The following MTRF1 variants were observed in gnomAD, a reference collection of about 807,000 sequenced individuals.
The protein encoded by MTRF1 is peptide chain release factor 1, mitochondrial.
Under a neutral mutation model 62.9 loss-of-function variants are expected in MTRF1, and 51 were observed. The ratio of observed to expected loss-of-function variants is 0.81; its 90% confidence interval spans 0.65 to 1.02. The LOEUF (loss-of-function observed/expected upper bound fraction) is 1.02, where lower values mean the gene tolerates loss of function less well. Among genes scored for constraint, MTRF1 ranks in the 50% least tolerant of loss-of-function variants. MTRF1 has a pLI of 0.00. For synonymous variants in MTRF1, 158 were observed against 181.9 expected, an observed-to-expected ratio of 0.87 and a Z score of 1.06; for missense variants, 446 against 530.0, an observed-to-expected ratio of 0.84 and a Z score of 1.56.
At chr13:41,306,671 T>C in the MTRF1 span, among the ~76,000 whole-genome samples, 50 of 152,352 alleles carry the variant, frequency 3.3e-4, 1 homozygote, top group African/African-American at 9.9e-4. Flanking sequence ...ATATTACATA[T>C]GTAAAAAGGG....
chr13:41,219,084 A>G (rs893766015), intron 9 of MTRF1, among the ~76,000 whole-genome samples: 2 of 152,166 alleles, frequency 1.3e-5, no homozygotes, highest in Non-Finnish European at 2.9e-5. Flanking sequence ...TGAGGTCAGG[A>G]GATTGAGACC....
At chr13:41,227,259 G>A (rs1319368430) in intron 7 of MTRF1, among the ~76,000 whole-genome samples, 2 of 150,676 alleles carry the variant, frequency 1.3e-5, no homozygotes, top group East Asian at 1.9e-4. Context: ...GTGACAGAGC[G>A]AGACTCCGTT....
intron 6 of MTRF1, chr13:41,236,699 C>T (rs1465538416): frequency 6.6e-6 from 1 of 152,090 alleles, no homozygotes; most frequent in East Asian, 1.9e-4. Context: ...GAGTGACTTA[C>T]CATTTCATGT....
chr13:41,277,244 A>G, the MTRF1 span, among the ~76,000 whole-genome samples: 2 of 150,512 alleles, frequency 1.3e-5, no homozygotes, highest in African/African-American at 4.9e-5. Flanking sequence ...CGATCCTCCC[A>G]CCTCAGCCTC....
Position 41,216,507 on chromosome 13 carries a change from TAA to T in MTRF1, c.*606_*607del, listed in dbSNP as rs2031961443. 1.3e-5 allele frequency: 2 copies of T among 152,130 alleles called. No homozygotes were observed. The highest frequency in any genetic ancestry group is 4.8e-5 in the African/African-American group (2 of 41,424). The allele number at this position is 152,130 out of a possible 1,614,324, so 9.4% of individuals were successfully genotyped here. On this transcript the variant is annotated 3_prime_UTR_variant, in exon 10 of 10. Coordinates refer to ENST00000379480, the MANE Select transcript of MTRF1 (RefSeq NM_004294.4). ...TAATTTTTATTTAAAAGTTGCAGTC[TAA>T]GTCTTAACTTTAACATGATTAACAG...
chr13:41,259,605 G>A (rs939129543), intron 2 of MTRF1, among the ~76,000 whole-genome samples: 1 of 151,510 alleles, frequency 6.6e-6, no homozygotes, highest in African/African-American at 2.4e-5. Context: ...GGGAGGCTGA[G>A]GCAGGAGAAT....
chr13:41,274,975 T>C, the MTRF1 span, among the ~76,000 whole-genome samples: 1 of 152,192 alleles, frequency 6.6e-6, no homozygotes, highest in South Asian at 2.1e-4. Context: ...CATTTTATTA[T>C]AGCATTCTGT....
chr13:41,239,100 A>G (rs1186265844), intron 6 of MTRF1, among the ~76,000 whole-genome samples: 1 of 151,742 alleles, frequency 6.6e-6, no homozygotes, highest in Admixed American at 6.6e-5. Context: ...AGGATCCTGG[A>G]TAAAAAAAAA....
At chr13:41,286,756 C>A in the MTRF1 span, among the ~76,000 whole-genome samples, 133,277 of 152,206 alleles carry the variant, frequency 0.88, 58,475 homozygotes, top group South Asian at 0.91. Flanking sequence ...AAATCTTAGC[C>A]AAAGCTGGTC....
chr13:41,251,406 T>A (rs1342827371), intron 5 of MTRF1, among the ~76,000 whole-genome samples: 1 of 152,198 alleles, frequency 6.6e-6, no homozygotes. Flanking sequence ...AGCTTCCTAT[T>A]GCCCATCAAT....
chr13:41,259,712 A>AAAAAAAAAACAAAAACAAAAAAAAAC (rs2040203824), intron 2 of MTRF1, among the ~76,000 whole-genome samples: 17 of 136,756 alleles, frequency 1.2e-4, no homozygotes, highest in Middle Eastern at 3.6e-3. Context: ...AAAAAAAAAA[A>AAAAAAAAAACAAAAACAAAAAAAAAC]AAAAAAAAAC....
At chr13:41,249,619 CTTTTTTT>C (rs1166204914) in intron 5 of MTRF1, among the ~76,000 whole-genome samples, 56 of 61,540 alleles carry the variant, frequency 9.1e-4, no homozygotes, top group African/African-American at 3.8e-3. Flanking sequence ...ATTTTTTTTT[CTTTTTTT>C]TTTTTTTTTT....
chr13:41,245,274 C>T (rs1472853629), intron 5 of MTRF1, among the ~76,000 whole-genome samples: 1 of 149,724 alleles, frequency 6.7e-6, no homozygotes, highest in Admixed American at 6.7e-5. Context: ...GACATGGTCT[C>T]ACTCTGTCCT....
upstream of MTRF1, among the ~76,000 whole-genome samples, chr13:41,266,225 T>C (rs1271854064): frequency 1.3e-5 from 2 of 151,668 alleles, no homozygotes; most frequent in African/African-American, 2.4e-5. Flanking sequence ...CCTAAAATCC[T>C]GGGATTACAG....
intron 7 of MTRF1, among the ~76,000 whole-genome samples, chr13:41,227,682 C>G (rs982302040): frequency 6.6e-6 from 1 of 152,212 alleles, no homozygotes; most frequent in Non-Finnish European, 1.5e-5. Context: ...AAACTAAAAA[C>G]CAAAAGCCCC....
the MTRF1 span, chr13:41,311,573 A>C: frequency 6.2e-7 from 1 of 1,607,938 alleles, no homozygotes; most frequent in African/African-American, 1.3e-5. Context: ...ACCTCTTCAA[A>C]CGCATCTTGG....
chr13:41,286,088 C>CAAAAAAAAAAAAAAAAAAAAAAAAAAA, the MTRF1 span, among the ~76,000 whole-genome samples: 2 of 110,062 alleles, frequency 1.8e-5, no homozygotes, highest in Non-Finnish European at 3.5e-5. Flanking sequence ...ACAACAACAA[C>CAAAAAAAAAAAAAAAAAAAAAAAAAAA]AAAAAAAAAA....
the MTRF1 span, among the ~76,000 whole-genome samples, chr13:41,271,054 TACACACACACAC>T: frequency 4.8e-3 from 682 of 143,366 alleles, 6 homozygotes; most frequent in African/African-American, 0.016. Context: ...GCCTTTTAAA[TACACACACACAC>T]ACACACACAC....
At chr13:41,299,265 T>C in the MTRF1 span, among the ~76,000 whole-genome samples, 1 of 152,174 alleles carries the variant, frequency 6.6e-6, no homozygotes, top group South Asian at 2.1e-4. Flanking sequence ...TAGTATTTTT[T>C]AAATTCAGAA....
Sources: gnomAD v4.1 joint callset for allele counts (sites outside exome capture counted in the v4.1 genomes callset) on GRCh38, gnomAD v4.1.1 for gene constraint, MANE v1.5 for transcripts, NCBI Gene and HGNC (gene_info 2026-07-23, HGNC 2026-07-21) for gene names.